KCNN2: variants seen among roughly 807,000 people sequenced by gnomAD.
KCNN2 encodes the protein potassium calcium-activated channel subfamily N member 2, also known as small conductance calcium-activated potassium channel protein 2.
Under a neutral mutation model 55.5 loss-of-function variants are expected in KCNN2, and 24 were observed. That is an observed-to-expected ratio of 0.43 (90% CI 0.31 to 0.61). The LOEUF is 0.61. Ranked by LOEUF, KCNN2 falls within the 20% of genes least tolerant of loss-of-function variation. KCNN2 has a pLI of 0.08. For missense variants in KCNN2, 754 were observed against 853.6 expected (o/e 0.88, Z 1.45); for synonymous variants, 431 against 336.1 (o/e 1.28, Z -3.09).
intron 1 of KCNN2, among the ~76,000 whole-genome samples, chr5:114,126,063 T>C (rs1201651709): frequency 6.6e-6 from 1 of 152,140 alleles, no homozygotes; most frequent in African/African-American, 2.4e-5. Flanking sequence ...AACACCAATC[T>C]TCCATCTTTA....
chr5:114,448,551 C>T (rs74367564), intron 3 of KCNN2, among the ~76,000 whole-genome samples: 6 of 152,126 alleles, frequency 3.9e-5, no homozygotes, highest in African/African-American at 1.4e-4. Flanking sequence ...ACTGGTAAAC[C>T]TTGAAAATGA....
In KCNN2 at chr5:114,395,370, A is replaced by G. The variant is rs561002527; in HGVS notation, c.1219-9068A>G. Among the ~76,000 whole-genome samples the G allele has an allele frequency of 2.0e-5, 3 of 152,342 alleles. No individual in the cohort carries two copies. The East Asian group carries it at 5.8e-4, about 29-fold the overall frequency. ...GACATATTCTGAGGGCACATTCAGCATTATGCCTACAAGTTACTTTAGACC... is the reference window on the plus strand; with the variant it reads ...GACATATTCTGAGGGCACATTCAGCGTTATGCCTACAAGTTACTTTAGACC... On this transcript the variant is annotated intron_variant, in intron 2 of 7. Transcript: ENST00000673685.
At chr5:114,123,805 C>G (rs1057140963) in intron 1 of KCNN2, among the ~76,000 whole-genome samples, 2 of 152,206 alleles carry the variant, frequency 1.3e-5, no homozygotes, top group Non-Finnish European at 2.9e-5. Context: ...TATGCTCCTA[C>G]TTCCTTTTTC....
At chr5:114,394,796 T>A (rs1394868896) in intron 2 of KCNN2, among the ~76,000 whole-genome samples, 1 of 152,170 alleles carries the variant, frequency 6.6e-6, no homozygotes, top group African/African-American at 2.4e-5. Flanking sequence ...TCTCAGTATA[T>A]TGGGTCTATT....
chr5:114,317,061 T>G (rs973676379), intron 2 of KCNN2, among the ~76,000 whole-genome samples: 3 of 152,212 alleles, frequency 2.0e-5, no homozygotes, highest in Admixed American at 6.5e-5. Flanking sequence ...TCCCAGATTT[T>G]TTTTTCACTT....
At chr5:114,090,952 C>T (rs1317058563) in intron 1 of KCNN2, among the ~76,000 whole-genome samples, 1 of 152,160 alleles carries the variant, frequency 6.6e-6, no homozygotes, top group South Asian at 2.1e-4. Flanking sequence ...ATCTGCCCAC[C>T]TCAGCCTTCT....
At chr5:114,252,765 T>G (rs1285034101) in intron 2 of KCNN2, among the ~76,000 whole-genome samples, 2 of 99,532 alleles carry the variant, frequency 2.0e-5, no homozygotes, top group Non-Finnish European at 4.1e-5. Context: ...CATGGCACTC[T>G]GTGTAGCATG....
chr5:114,183,437 T>A (rs1216878066), intron 1 of KCNN2, among the ~76,000 whole-genome samples: 5 of 152,092 alleles, frequency 3.3e-5, no homozygotes, highest in Non-Finnish European at 5.9e-5. Context: ...TTGTTACTTT[T>A]AAAAATATTT....
intron 2 of KCNN2, among the ~76,000 whole-genome samples, chr5:114,310,265 A>G (rs889029670): frequency 6.6e-6 from 1 of 152,186 alleles, no homozygotes; most frequent in Non-Finnish European, 1.5e-5. Context: ...TGGAGCCACC[A>G]TGATGCACAG....
At chr5:114,275,546 T>C (rs1210307733) in intron 2 of KCNN2, among the ~76,000 whole-genome samples, 1 of 152,204 alleles carries the variant, frequency 6.6e-6, no homozygotes, top group Admixed American at 6.5e-5. Context: ...TTCAACTTCT[T>C]CCTGGTTTAG....
intron 2 of KCNN2, among the ~76,000 whole-genome samples, chr5:114,293,702 C>G (rs1455072470): frequency 6.6e-6 from 1 of 152,150 alleles, no homozygotes; most frequent in African/African-American, 2.4e-5. Flanking sequence ...TGATGCTGGC[C>G]TCATAAAATG....
chr5:114,303,911 TC>T (rs1297152903), intron 2 of KCNN2, among the ~76,000 whole-genome samples: 1 of 152,204 alleles, frequency 6.6e-6, no homozygotes, highest in African/African-American at 2.4e-5. Flanking sequence ...TGGAATCAAT[TC>T]TATACACAGC....
intron 2 of KCNN2, among the ~76,000 whole-genome samples, chr5:114,259,964 C>G (rs1192537757): frequency 1.1e-4 from 17 of 152,202 alleles, no homozygotes; most frequent in Admixed American, 8.5e-4. Context: ...CCATGAAACT[C>G]AAGGTTTTAG....
intron 3 of KCNN2, among the ~76,000 whole-genome samples, chr5:114,434,976 A>G (rs1759952364): frequency 6.6e-6 from 1 of 152,234 alleles, no homozygotes; most frequent in Non-Finnish European, 1.5e-5. Flanking sequence ...TTCTGGGCTT[A>G]TAAAATGGTT....
intron 1 of KCNN2, among the ~76,000 whole-genome samples, chr5:114,072,291 TAA>T (rs111788636): frequency 7.0e-6 from 1 of 141,894 alleles, no homozygotes; most frequent in Admixed American, 7.0e-5. Flanking sequence ...AAACTCCATC[TAA>T]AAAAAAAAAA....
In KCNN2 at chr5:114,406,535, A is replaced by AT. The variant is rs774280527; in HGVS notation, c.1637+1692dup. Among the ~76,000 whole-genome samples, 537 of 143,040 alleles carry AT rather than the reference A, an allele frequency of 3.8e-3. 2 individuals carry two copies. Among genetic ancestry groups the AT allele is most frequent in the African/African-American group, 8.3e-3 (327 of 39,314 alleles). 93.8% of individuals were successfully genotyped at this position (143,040 alleles called of 152,430 possible). On this transcript the variant is annotated intron_variant, in intron 3 of 7. Coordinates refer to ENST00000673685, the MANE Select transcript of KCNN2 (RefSeq NM_021614.4). The stretch of plus-strand genomic sequence containing the variant: ...GTAATCATTTTTCCTTTCCTGCACA[A>AT]TTTTTTTTTTTTTCTGGAAGAAATA...
intron 1 of KCNN2, among the ~76,000 whole-genome samples, chr5:114,094,278 C>G (rs1038820742): frequency 6.6e-6 from 1 of 152,006 alleles, no homozygotes; most frequent in Non-Finnish European, 1.5e-5. Flanking sequence ...TTCAGGTCTT[C>G]AGCACAGAAT....
chr5:114,174,086 T>C (rs1008385980), intron 1 of KCNN2, among the ~76,000 whole-genome samples: 1 of 152,108 alleles, frequency 6.6e-6, no homozygotes, highest in African/African-American at 2.4e-5. Flanking sequence ...TAGTTAAATA[T>C]TTCTTACAAT....
intron 3 of KCNN2, among the ~76,000 whole-genome samples, chr5:114,453,995 C>T (rs550881975): frequency 1.3e-5 from 2 of 152,082 alleles, no homozygotes; most frequent in Admixed American, 6.6e-5. Flanking sequence ...CCCAGTAGGC[C>T]CCGGTATGTG....
Sources: allele counts gnomAD v4.1 joint callset (sites outside exome capture counted in the v4.1 genomes callset), GRCh38; gene constraint gnomAD v4.1.1; transcripts MANE v1.5; gene names NCBI Gene and HGNC (gene_info 2026-07-23, HGNC 2026-07-21).